The following CFHR2 variants were observed in gnomAD, a reference collection of about 807,000 sequenced individuals.
The protein encoded by CFHR2 is complement factor H related 2, also known as complement factor H-related protein 2.
In CFHR2, 22 loss-of-function variants were observed where a neutral mutation model predicts 21.7. The observed-to-expected ratio is 1.01, with a 90% CI of 0.72 to 1.45. The LOEUF (loss-of-function observed/expected upper bound fraction) is 1.45. CFHR2 is among the 40% of genes most tolerant of loss of function. CFHR2 has a pLI of 0.00. For synonymous variants in CFHR2, 98 were observed against 97.4 expected, an observed-to-expected ratio of 1.01 and a Z score of -0.04; for missense variants, 294 against 293.3, an observed-to-expected ratio of 1.00 and a Z score of -0.02.
rs980882248 is a variant in CFHR2, at chr1:196,947,486, G to A, written c.59-1969G>A. Reference sequence around the variant, plus strand: ...TATGGTAGGTTAATACTATCAAGATGGGAGTCTTTCCCTCAATACCTTTAC... The same window carrying A: ...TATGGTAGGTTAATACTATCAAGATAGGAGTCTTTCCCTCAATACCTTTAC... On this transcript the variant is annotated intron_variant, in intron 1 of 4. Transcript: ENST00000367415. Among the ~76,000 whole-genome samples, 166 of 152,242 alleles carry A rather than the reference G, an allele frequency of 1.1e-3. 1 individual carries two copies. The highest frequency in any genetic ancestry group is 3.4e-3 in the African/African-American group (141 of 41,556).
At chr1:196,951,211 T>C (rs1659715413) in intron 3 of CFHR2, among the ~76,000 whole-genome samples, 183 bp downstream of exon 3, 1 of 152,198 alleles carries the variant, frequency 6.6e-6, no homozygotes, top group African/African-American at 2.4e-5. Context: ...TGCCTACCTA[T>C]ATAAATCAAA....
intron 3 of CFHR2, among the ~76,000 whole-genome samples, chr1:196,951,388 TA>T (rs1659720143): frequency 6.6e-6 from 1 of 152,216 alleles, no homozygotes; most frequent in Non-Finnish European, 1.5e-5. Flanking sequence ...TAAAATGTCT[TA>T]TAAGTAAGAC....
Position 196,949,460 on chromosome 1 carries a change from T to C in CFHR2, c.64T>C (p.Phe22Leu). The C allele has an allele frequency of 6.2e-7, 1 of 1,611,918 alleles. No individual in the cohort carries two copies. The highest frequency in any genetic ancestry group is 1.1e-5 in the South Asian group (1 of 90,848). ...RISSVGGEAM[F>L]CDFPKINHGI... Reference sequence around the variant, plus strand: ...GTTTTGTGTTATTTTCCCAGCAATGTTCTGTGATTTTCCAAAAATAAACCA... The same window carrying C: ...GTTTTGTGTTATTTTCCCAGCAATGCTCTGTGATTTTCCAAAAATAAACCA... Residue 22 changes from phenylalanine (F) to leucine (L), a missense_variant, in exon 2 of 5, where the codon TTC (phenylalanine) becomes CTC (leucine). Phe to Leu is a conservative substitution (Grantham distance 22, BLOSUM62 0). Transcript: ENST00000367415.
chr1:196,944,963 A>G, intron 1 of CFHR2, among the ~76,000 whole-genome samples: 1 of 149,066 alleles, frequency 6.7e-6, no homozygotes, highest in East Asian at 1.9e-4. Context: ...CACAACTTCC[A>G]TCTCCTGGGT....
intron 3 of CFHR2, among the ~76,000 whole-genome samples, chr1:196,952,827 C>T (rs1279646876): frequency 6.6e-6 from 1 of 152,204 alleles, no homozygotes; most frequent in Admixed American, 6.5e-5. Flanking sequence ...AAACTTAGCA[C>T]ATTTTATTTA....
chr1:196,947,214 T>C (rs1281281657), intron 1 of CFHR2, among the ~76,000 whole-genome samples: 1 of 152,136 alleles, frequency 6.6e-6, no homozygotes, highest in Non-Finnish European at 1.5e-5. Context: ...AAAAATTATT[T>C]TCTACTTTTG....
chr1:196,956,641 C>T (rs1004050735), intron 3 of CFHR2, among the ~76,000 whole-genome samples: 9 of 152,032 alleles, frequency 5.9e-5, no homozygotes, highest in Non-Finnish European at 1.2e-4. Context: ...TGTTATTAAG[C>T]CTATCCAGAG....
intron 2 of CFHR2, 59 bp from the exon 3 acceptor site, chr1:196,950,793 C>A: frequency 6.4e-7 from 1 of 1,570,678 alleles, no homozygotes; most frequent in South Asian, 1.1e-5. Context: ...TTTTAAAATG[C>A]AGTTGTACTT....
intron 3 of CFHR2, among the ~76,000 whole-genome samples, chr1:196,956,525 C>A (rs188039848): frequency 5.3e-5 from 8 of 152,184 alleles, no homozygotes; most frequent in Non-Finnish European, 1.0e-4. Flanking sequence ...TTCTAAAGTT[C>A]TCTAAGCTCA....
In CFHR2 at chr1:196,949,459, G is replaced by A. The variant is rs780123081; in HGVS notation, c.63G>A (p.Met21Ile). Residue 21 changes from methionine to isoleucine, a missense_variant, in exon 2 of 5, where the codon ATG (methionine) becomes ATA (isoleucine). Met to Ile is a conservative substitution (Grantham distance 10). Coordinates refer to ENST00000367415, the MANE Select transcript of CFHR2 (RefSeq NM_005666.4). ...AGTTTTGTGTTATTTTCCCAGCAATGTTCTGTGATTTTCCAAAAATAAACC... is the reference window on the plus strand; with the variant it reads ...AGTTTTGTGTTATTTTCCCAGCAATATTCTGTGATTTTCCAAAAATAAACC... The part of the protein sequence containing the change: ...SRISSVGGEA[M>I]FCDFPKINHG... 8.1e-6 allele frequency: 13 copies of A among 1,611,606 alleles called. No homozygotes were observed. The highest frequency in any genetic ancestry group is 4.4e-5 in the South Asian group (4 of 90,828).
chr1:196,950,807 C>A (rs778585054), intron 2 of CFHR2, 45 bp from the exon 3 acceptor site: 4 of 1,602,650 alleles, frequency 2.5e-6, no homozygotes, highest in Non-Finnish European at 3.4e-6. Flanking sequence ...TGTACTTTTT[C>A]TTTGCTACTT....
At chr1:196,951,166 C>A in intron 3 of CFHR2, 138 bp downstream of exon 3, 1 of 1,091,536 alleles carries the variant, frequency 9.2e-7, no homozygotes, top group Non-Finnish European at 1.3e-6. Flanking sequence ...TTCTCAGTTC[C>A]AATTGTGTCT....
chr1:196,953,836 T>G lies in CFHR2; in HGVS notation c.430+2808T>G, dbSNP rs141113907. On this transcript the variant is annotated intron_variant, in intron 3 of 4. Coordinates refer to ENST00000367415, the MANE Select transcript of CFHR2 (RefSeq NM_005666.4). ...TGAGATTATTAGAAAATATTTCAAT[T>G]TTTTGTGTATACTTGATTTATTTGG... Among the ~76,000 whole-genome samples the G allele has an allele frequency of 6.6e-3, 1,011 of 152,318 alleles. 12 individuals are homozygous for G. Among genetic ancestry groups the G allele is most frequent in the African/African-American group, 0.023 (970 of 41,574 alleles).
intron 1 of CFHR2, among the ~76,000 whole-genome samples, chr1:196,946,873 G>A (rs570045423): frequency 2.0e-5 from 3 of 152,170 alleles, no homozygotes; most frequent in South Asian, 2.1e-4. Flanking sequence ...CTTCTATATT[G>A]TCATCATCAA....
chr1:196,959,032 A>G lies in CFHR2; in HGVS notation c.765A>G (p.Ala255=). Reference sequence around the variant, plus strand: ...CAACAAAATCTCATTCATTTCGAGCAATGTGTCAGAATGGGAAACTGGTAT... The same window carrying G: ...CAACAAAATCTCATTCATTTCGAGCGATGTGTCAGAATGGGAAACTGGTAT... The part of the protein sequence containing the change: ...YHPTKSHSFR[A]MCQNGKLVYP... Residue 255 remains alanine (A), a synonymous_variant, in exon 5 of 5, where the codon GCA becomes GCG. Coordinates refer to ENST00000367415, the MANE Select transcript of CFHR2 (RefSeq NM_005666.4). The G allele has an allele frequency of 6.2e-7, 1 of 1,612,416 alleles. No homozygotes were observed. Among genetic ancestry groups the G allele is most frequent in the Non-Finnish European group, 8.5e-7 (1 of 1,179,018 alleles).
At chr1:196,956,251 A>G (rs1031787715) in intron 3 of CFHR2, among the ~76,000 whole-genome samples, 5 of 152,336 alleles carry the variant, frequency 3.3e-5, no homozygotes, top group African/African-American at 1.2e-4. Context: ...CCAGCTACCA[A>G]TATCTCCTCA....
chr1:196,946,545 C>G (rs1439819872), intron 1 of CFHR2, among the ~76,000 whole-genome samples: 1 of 152,070 alleles, frequency 6.6e-6, no homozygotes, highest in African/African-American at 2.4e-5. Flanking sequence ...AAATATTTTA[C>G]TTATTTATTT....
At chr1:196,950,753 T>C in intron 2 of CFHR2, 99 bp from the exon 3 acceptor site, 2 of 1,373,136 alleles carry the variant, frequency 1.5e-6, no homozygotes, top group Non-Finnish European at 2.0e-6. Flanking sequence ...GATTACCAGC[T>C]TGAGCCACTT....
chr1:196,950,116 G>A (rs1345941741), intron 2 of CFHR2, among the ~76,000 whole-genome samples: 2 of 152,066 alleles, frequency 1.3e-5, no homozygotes, highest in East Asian at 1.9e-4. Flanking sequence ...AATGTAGAGA[G>A]CAGACTCCAA....
Sources: gnomAD v4.1 joint callset for allele counts (sites outside exome capture counted in the v4.1 genomes callset) on GRCh38, gnomAD v4.1.1 for gene constraint, MANE v1.5 for transcripts, NCBI Gene and HGNC (gene_info 2026-07-23, HGNC 2026-07-21) for gene names.